Variants in PACRG observed in about 807,000 individuals in gnomAD.
PACRG encodes parkin coregulated, also known as parkin coregulated gene protein.
A neutral mutation model predicts 29.7 loss-of-function variants in PACRG; 29 were observed. That is an observed-to-expected ratio of 0.98 (90% confidence interval 0.73 to 1.33). The LOEUF is 1.33. Ranked by LOEUF, PACRG falls within the 40% of genes most tolerant of loss-of-function variation. The probability of loss-of-function intolerance (pLI) is 0.00; values close to 1 mark genes in which losing one functional copy is unlikely to be tolerated. For synonymous variants in PACRG, 116 were observed against 118.7 expected (o/e 0.98, Z 0.15); for missense variants, 279 against 316.2 (o/e 0.88, Z 0.89).
At chr6:162,758,320 A>G (rs1390931793) in intron 1 of PACRG, among the ~76,000 whole-genome samples, 2 of 152,182 alleles carry the variant, frequency 1.3e-5, no homozygotes, top group African/African-American at 2.4e-5. Context: ...CACAGCTGAT[A>G]TCTGCACATG....
At chr6:163,060,661 A>T (rs532094763) in intron 2 of PACRG, among the ~76,000 whole-genome samples, 2 of 152,222 alleles carry the variant, frequency 1.3e-5, no homozygotes, top group South Asian at 4.1e-4. Context: ...CTACCTGAAC[A>T]TGCATTGTAA....
intron 4 of PACRG, among the ~76,000 whole-genome samples, chr6:163,262,876 C>G (rs1055924529): frequency 1.4e-5 from 2 of 147,524 alleles, no homozygotes; most frequent in Non-Finnish European, 3.0e-5. Flanking sequence ...ACCCCCCCCC[C>G]CATGTCAACT....
chr6:162,981,011 A>T (rs62429314), intron 2 of PACRG, among the ~76,000 whole-genome samples: 2 of 152,014 alleles, frequency 1.3e-5, no homozygotes, highest in African/African-American at 2.4e-5. Flanking sequence ...ACTGTACCCA[A>T]TGTGTAGTCC....
chr6:162,885,077 G>A (rs1465896879), intron 2 of PACRG, among the ~76,000 whole-genome samples: 3 of 152,010 alleles, frequency 2.0e-5, no homozygotes, highest in Non-Finnish European at 2.9e-5. Flanking sequence ...AGCCACCATC[G>A]TCATAATACC....
At chr6:163,165,935 C>A (rs1282341483) in intron 4 of PACRG, 4 of 362,210 alleles carry the variant, frequency 1.1e-5, no homozygotes, top group Non-Finnish European at 1.6e-5. Context: ...TCTTTAAAAA[C>A]TTCCTTCAAT....
chr6:163,248,699 C>G (rs2128171291), intron 4 of PACRG, among the ~76,000 whole-genome samples: 1 of 152,268 alleles, frequency 6.6e-6, no homozygotes, highest in South Asian at 2.1e-4. Context: ...TTTCTGATAG[C>G]CTTGAGTAAG....
At chr6:163,305,070 G>A (rs1785146469) in intron 4 of PACRG, among the ~76,000 whole-genome samples, 1 of 152,214 alleles carries the variant, frequency 6.6e-6, no homozygotes, top group Non-Finnish European at 1.5e-5. Flanking sequence ...AGGGCCAAGG[G>A]CAGCATTTCA....
In PACRG at chr6:163,314,822, A is replaced by G. The variant is rs760196962; in HGVS notation, c.614-5A>G. On this transcript the variant is annotated splice_region_variant and splice_polypyrimidine_tract_variant and intron_variant, in intron 4 of 4. Transcript: ENST00000366888. ...CTGGCCTCTTTGTGTGTTTGCATGC[A>G]CCAGTGAACTCCGGAGACGGCATTG... is the stretch of plus-strand genomic sequence containing the variant. 1.2e-6 allele frequency: 2 copies of G among 1,613,444 alleles called. No homozygotes were observed. Among genetic ancestry groups the G allele is most frequent in the South Asian group, 2.2e-5 (2 of 90,946 alleles).
chr6:163,100,575 G>A (rs2476473), intron 4 of PACRG, among the ~76,000 whole-genome samples: 83,621 of 152,064 alleles, frequency 0.55, 23,413 homozygotes, highest in Non-Finnish European at 0.61. Flanking sequence ...AGTTCTGCTG[G>A]CGGTGGCCCC....
chr6:162,989,291 T>C (rs1259574458), intron 2 of PACRG, among the ~76,000 whole-genome samples: 9 of 152,148 alleles, frequency 5.9e-5, no homozygotes, highest in African/African-American at 1.4e-4. Flanking sequence ...CTTCCTAAGT[T>C]TGATATTGAA....
At chr6:163,284,748 T>C (rs1211921065) in intron 4 of PACRG, among the ~76,000 whole-genome samples, 1 of 151,888 alleles carries the variant, frequency 6.6e-6, no homozygotes, top group Non-Finnish European at 1.5e-5. Flanking sequence ...TCGGCCTTCA[T>C]GTGTCCAAAG....
intron 2 of PACRG, among the ~76,000 whole-genome samples, chr6:162,924,574 T>C (rs55825709): frequency 0.11 from 16,832 of 152,170 alleles, 1,251 homozygotes; most frequent in East Asian, 0.27. Flanking sequence ...ATACCCCATT[T>C]GTTGAGAGTT....
At chr6:163,280,207 T>A (rs979554838) in intron 4 of PACRG, among the ~76,000 whole-genome samples, 3 of 152,080 alleles carry the variant, frequency 2.0e-5, no homozygotes, top group African/African-American at 7.2e-5. Flanking sequence ...CTTTAGGGAG[T>A]GAGTCTGCCA....
chr6:162,727,483 C>A (rs1039273628), upstream of PACRG, among the ~76,000 whole-genome samples: 2 of 152,212 alleles, frequency 1.3e-5, no homozygotes, highest in South Asian at 2.1e-4. Flanking sequence ...CACACTGGGG[C>A]CCCGGACCCG....
intron 1 of PACRG, among the ~76,000 whole-genome samples, chr6:162,797,483 T>A (rs1298982377): frequency 6.6e-6 from 1 of 152,200 alleles, no homozygotes; most frequent in African/African-American, 2.4e-5. Flanking sequence ...TAGTTTTAAA[T>A]AACTACACAA....
intron 3 of PACRG, among the ~76,000 whole-genome samples, chr6:163,080,483 G>C (rs1318308474): frequency 1.3e-5 from 2 of 151,874 alleles, no homozygotes; most frequent in Admixed American, 6.5e-5. Flanking sequence ...AGACTGAAAA[G>C]GAGTATGTTG....
rs77461251 is a variant in PACRG, at chr6:162,955,012, G to A, written c.292-107138G>A. Among the ~76,000 whole-genome samples the A allele has an allele frequency of 4.3e-4, 65 of 152,272 alleles. No individual in the cohort carries two copies. In the East Asian group the frequency reaches 0.01, roughly 24 times the overall value. On this transcript the variant is annotated intron_variant, in intron 2 of 4. Coordinates refer to ENST00000366888, the MANE Select transcript of PACRG (RefSeq NM_001080379.2). Reference sequence around the variant, plus strand: ...ATCTGCTACTGCTGGGTAACTAGACGTATATCAGATATTATGTAGACATAA... The same window carrying A: ...ATCTGCTACTGCTGGGTAACTAGACATATATCAGATATTATGTAGACATAA...
intron 2 of PACRG, among the ~76,000 whole-genome samples, chr6:163,061,819 A>G (rs1322457145): frequency 6.6e-6 from 1 of 152,194 alleles, no homozygotes; most frequent in African/African-American, 2.4e-5. Context: ...AACATTCTAG[A>G]GGCTTCTTGA....
chr6:163,071,375 A>G (rs1394507608), intron 3 of PACRG, among the ~76,000 whole-genome samples: 1 of 152,128 alleles, frequency 6.6e-6, no homozygotes, highest in Non-Finnish European at 1.5e-5. Flanking sequence ...AAAACTAGAA[A>G]TCAATAAGAG....
Sources: gnomAD v4.1 joint callset for allele counts (sites outside exome capture counted in the v4.1 genomes callset) on GRCh38, gnomAD v4.1.1 for gene constraint, MANE v1.5 for transcripts, NCBI Gene and HGNC (gene_info 2026-07-23, HGNC 2026-07-21) for gene names.